The following TENM2 variants were observed in gnomAD, a reference collection of about 807,000 sequenced individuals.
The protein encoded by TENM2 is teneurin transmembrane protein 2.
A neutral mutation model predicts 245.2 loss-of-function variants in TENM2; 52 were observed. The observed-to-expected ratio is 0.21, with a 90% CI of 0.17 to 0.27. TENM2 has a LOEUF of 0.27. Among genes scored for constraint, TENM2 ranks in the 10% least tolerant of loss-of-function variants. TENM2 has a pLI of 1.00. For synonymous variants in TENM2, 1,363 were observed against 1,438.9 expected, an observed-to-expected ratio of 0.95 and a Z score of 1.19; for missense variants, 3,046 against 3,666.8, an observed-to-expected ratio of 0.83 and a Z score of 4.37.
intron 2 of TENM2, among the ~76,000 whole-genome samples, chr5:167,542,229 C>CA (rs758190136): frequency 6.6e-6 from 1 of 152,226 alleles, no homozygotes; most frequent in African/African-American, 2.4e-5. Context: ...GTGATTATAA[C>CA]AAAAAATGCC....
At chr5:167,644,177 T>C (rs1779785380) in intron 2 of TENM2, among the ~76,000 whole-genome samples, 1 of 152,178 alleles carries the variant, frequency 6.6e-6, no homozygotes, top group South Asian at 2.1e-4. Context: ...AGAAATTACA[T>C]TAAAAAAGCT....
intron 2 of TENM2, among the ~76,000 whole-genome samples, chr5:167,516,077 T>C (rs781507851): frequency 3.3e-5 from 5 of 152,102 alleles, no homozygotes; most frequent in Admixed American, 6.6e-5. Flanking sequence ...AGCAAAATGC[T>C]AGTTTTTGTA....
chr5:166,985,628 AT>A, the TENM2 span, among the ~76,000 whole-genome samples: 1 of 152,214 alleles, frequency 6.6e-6, no homozygotes, highest in East Asian at 1.9e-4. Flanking sequence ...AAGGAAAAAA[AT>A]CAAATTTATT....
chr5:167,898,508 T>G (rs547415177), intron 3 of TENM2, among the ~76,000 whole-genome samples: 2 of 152,266 alleles, frequency 1.3e-5, no homozygotes, highest in Admixed American at 1.3e-4. Context: ...GAAACTCTGA[T>G]GTAATAGGGC....
At chr5:167,369,660 G>A (rs1375955635) in intron 1 of TENM2, among the ~76,000 whole-genome samples, 1 of 131,048 alleles carries the variant, frequency 7.6e-6, no homozygotes, top group East Asian at 2.2e-4. Flanking sequence ...GGTCATTCGT[G>A]ACTTTTCATG....
intron 25 of TENM2, among the ~76,000 whole-genome samples, chr5:168,230,152 C>T (rs1183572482): frequency 6.6e-6 from 1 of 152,202 alleles, no homozygotes; most frequent in Non-Finnish European, 1.5e-5. Flanking sequence ...AACTGAATTT[C>T]TGCCAGGGTT....
chr5:167,862,413 T>C (rs1317893968), intron 2 of TENM2, among the ~76,000 whole-genome samples: 1 of 152,232 alleles, frequency 6.6e-6, no homozygotes, highest in Admixed American at 6.5e-5. Flanking sequence ...CCACATCTTT[T>C]TAGCCATAAC....
At chr5:167,051,591 A>C in the TENM2 span, among the ~76,000 whole-genome samples, 1 of 152,118 alleles carries the variant, frequency 6.6e-6, no homozygotes, top group Non-Finnish European at 1.5e-5. Context: ...TTTGGGTGAG[A>C]TCTCCAGGGA....
At chr5:167,593,350 A>C (rs1305608294) in intron 2 of TENM2, among the ~76,000 whole-genome samples, 1 of 152,220 alleles carries the variant, frequency 6.6e-6, no homozygotes, top group Non-Finnish European at 1.5e-5. Context: ...TCACCTTGGA[A>C]AAGCTTTCCA....
At chr5:167,204,453 A>G in the TENM2 span, among the ~76,000 whole-genome samples, 1 of 152,202 alleles carries the variant, frequency 6.6e-6, no homozygotes, top group East Asian at 1.9e-4. Context: ...AAAAATGCAT[A>G]TACAGATTTC....
At chr5:168,139,446 A>C (rs547880402) in intron 12 of TENM2, 30 of 456,376 alleles carry the variant, frequency 6.6e-5, no homozygotes, top group South Asian at 4.6e-4. Flanking sequence ...TACTGCTTGG[A>C]CATCTCTAAG....
the TENM2 span, among the ~76,000 whole-genome samples, chr5:167,027,513 G>T: frequency 2.6e-5 from 4 of 151,918 alleles, no homozygotes; most frequent in South Asian, 6.2e-4. Context: ...TTAAAAAATG[G>T]TAACATGTTA....
the TENM2 span, among the ~76,000 whole-genome samples, chr5:167,100,285 T>C: frequency 6.6e-6 from 1 of 152,130 alleles, no homozygotes. Context: ...CAGATGGAGA[T>C]GGTGTGTGAG....
the TENM2 span, among the ~76,000 whole-genome samples, chr5:167,170,113 G>A: frequency 6.6e-6 from 1 of 152,150 alleles, no homozygotes; most frequent in African/African-American, 2.4e-5. Flanking sequence ...GTGTTTACAT[G>A]GAATCTTATG....
At chr5:167,631,174 A>G (rs968469462) in intron 2 of TENM2, among the ~76,000 whole-genome samples, 1 of 152,216 alleles carries the variant, frequency 6.6e-6, no homozygotes, top group Non-Finnish European at 1.5e-5. Flanking sequence ...GTTGAGAAAA[A>G]AAAAGTCAGT....
chr5:167,053,009 C>T, the TENM2 span, among the ~76,000 whole-genome samples: 1 of 152,096 alleles, frequency 6.6e-6, no homozygotes. Flanking sequence ...CTTTAATTTG[C>T]ATATGTGACA....
At chr5:167,114,122 G>T in the TENM2 span, among the ~76,000 whole-genome samples, 1 of 152,098 alleles carries the variant, frequency 6.6e-6, no homozygotes, top group Non-Finnish European at 1.5e-5. Flanking sequence ...GAGCCACATC[G>T]ATTTTCAGAA....
At chr5:167,816,213 G>T (rs559749894) in intron 2 of TENM2, among the ~76,000 whole-genome samples, 4 of 152,230 alleles carry the variant, frequency 2.6e-5, no homozygotes, top group African/African-American at 9.6e-5. Flanking sequence ...AGGGGAAGGT[G>T]TGGGGAACAT....
chr5:167,374,711 T>C (rs1027256554), intron 1 of TENM2, among the ~76,000 whole-genome samples: 1 of 152,096 alleles, frequency 6.6e-6, no homozygotes, highest in Non-Finnish European at 1.5e-5. Flanking sequence ...ATCCAGGTAT[T>C]GCGACCATCA....
Sources: gnomAD v4.1 joint callset for allele counts (sites outside exome capture counted in the v4.1 genomes callset) on GRCh38, gnomAD v4.1.1 for gene constraint, MANE v1.5 for transcripts, NCBI Gene and HGNC (gene_info 2026-07-23, HGNC 2026-07-21) for gene names.